Variants in DGKG observed in about 807,000 individuals in gnomAD.
The protein encoded by DGKG is diacylglycerol kinase gamma.
In DGKG, 78 loss-of-function variants were observed where a neutral mutation model predicts 105.3. The ratio of observed to expected loss-of-function variants is 0.74; its 90% CI spans 0.62 to 0.89. The LOEUF (loss-of-function observed/expected upper bound fraction) is 0.89, where lower values mean the gene tolerates loss of function less well. Among genes scored for constraint, DGKG ranks in the 40% least tolerant of loss-of-function variants. DGKG has a pLI of 0.00. For missense variants in DGKG, 958 were observed against 1,020.1 expected, an observed-to-expected ratio of 0.94 and a Z score of 0.83; for synonymous variants, 346 against 367.1, an observed-to-expected ratio of 0.94 and a Z score of 0.66.
intron 1 of DGKG, among the ~76,000 whole-genome samples, chr3:186,348,387 C>CTTTTTT (rs1726459466): frequency 9.1e-6 from 1 of 110,120 alleles, no homozygotes; most frequent in African/African-American, 4.1e-5. Flanking sequence ...TTTTTTTTTC[C>CTTTTTT]TTGTCTGAGA....
chr3:186,187,759 C>T (rs976130380), intron 22 of DGKG, among the ~76,000 whole-genome samples: 1 of 152,030 alleles, frequency 6.6e-6, no homozygotes, highest in African/African-American at 2.4e-5. Flanking sequence ...GAAATGAGAC[C>T]GAGAAGGAGT....
At chr3:186,275,990 A>G (rs1042913604) in intron 9 of DGKG, among the ~76,000 whole-genome samples, 2 of 151,124 alleles carry the variant, frequency 1.3e-5, no homozygotes, top group African/African-American at 4.9e-5. Flanking sequence ...CTATCTATCT[A>G]TCTATTATCT....
intron 3 of DGKG, among the ~76,000 whole-genome samples, chr3:186,300,891 G>GT (rs1560142604): frequency 6.6e-6 from 1 of 152,192 alleles, no homozygotes. Context: ...TTTCCAATCT[G>GT]TTTCTTCTTC....
chr3:186,339,440 C>T (rs114070651), intron 1 of DGKG, among the ~76,000 whole-genome samples: 2,515 of 152,222 alleles, frequency 0.017, 41 homozygotes, highest in Non-Finnish European at 0.027. Context: ...ATGCCTCCAC[C>T]GGAGAGAGGA....
chr3:186,216,813 C>T (rs1185191105), intron 20 of DGKG, among the ~76,000 whole-genome samples: 1 of 152,154 alleles, frequency 6.6e-6, no homozygotes, highest in Non-Finnish European at 1.5e-5. Flanking sequence ...TGTTGGAGGA[C>T]CGTTGCTGCA....
chr3:186,223,470 C>T (rs1285484078), intron 20 of DGKG, among the ~76,000 whole-genome samples: 9 of 152,066 alleles, frequency 5.9e-5, no homozygotes, highest in Non-Finnish European at 1.0e-4. Flanking sequence ...ATTAAGTCCA[C>T]GGTAAGTCGC....
chr3:186,188,442 CTG>C, intron 21 of DGKG, 63 bp from the exon 22 acceptor site: 3 of 1,526,410 alleles, frequency 2.0e-6, no homozygotes, highest in Non-Finnish European at 2.7e-6. Flanking sequence ...CCAAGGTGCT[CTG>C]TGTGTGTGCG....
chr3:186,148,593 T>C lies in DGKG; in HGVS notation c.*1497A>G. On this transcript the variant is annotated 3_prime_UTR_variant, in exon 25 of 25. Coordinates refer to ENST00000265022, the MANE Select transcript of DGKG (RefSeq NM_001346.3). Reference sequence around the variant, plus strand: ...CCCTACTCTGAGATGTGTGGGTTCTTTTCTCCATTAAATATCTTTGTAACG... The same window carrying C: ...CCCTACTCTGAGATGTGTGGGTTCTCTTCTCCATTAAATATCTTTGTAACG... The C allele has an allele frequency of 1.0e-6, 1 of 985,418 alleles. No individual in the cohort carries two copies. Among genetic ancestry groups the C allele is most frequent in the Non-Finnish European group, 1.2e-6 (1 of 829,934 alleles). 61.0% of individuals were successfully genotyped at this position (985,418 alleles called of 1,614,324 possible).
chr3:186,347,448 CAA>C (rs576239325), intron 1 of DGKG, among the ~76,000 whole-genome samples: 69 of 51,536 alleles, frequency 1.3e-3, no homozygotes, highest in African/African-American at 2.9e-3. Flanking sequence ...GACTCAGTCT[CAA>C]AAAAAAAAAA....
chr3:186,257,664 A>G lies in DGKG; in HGVS notation c.1510+190T>C, dbSNP rs1179720790. 1.8e-5 allele frequency: 10 copies of G among 540,954 alleles called. No individual in the cohort carries two copies. The East Asian group carries it at 3.2e-4, about 17-fold the overall frequency. 33.5% of individuals were successfully genotyped at this position (540,954 alleles called of 1,614,324 possible). On this transcript the variant is annotated intron_variant, in intron 17 of 24. Transcript: ENST00000265022. Reference sequence around the variant, plus strand: ...TGTTACCTCCGTATTGGAGGGAATCATTCGATTGTCTTATTTCTTTTTTTT... The same window carrying G: ...TGTTACCTCCGTATTGGAGGGAATCGTTCGATTGTCTTATTTCTTTTTTTT...
intron 17 of DGKG, among the ~76,000 whole-genome samples, chr3:186,257,581 C>T (rs1721541637): frequency 6.6e-6 from 1 of 152,166 alleles, no homozygotes; most frequent in Non-Finnish European, 1.5e-5. Context: ...CCTGTCCTGC[C>T]ACTGCCCAAA....
chr3:186,269,900 C>G (rs1433013749), intron 11 of DGKG, among the ~76,000 whole-genome samples: 1 of 152,126 alleles, frequency 6.6e-6, no homozygotes, highest in East Asian at 1.9e-4. Context: ...GAGCAGCTGG[C>G]TAGTAGCCCC....
chr3:186,354,254 G>C (rs1347760786), intron 1 of DGKG, among the ~76,000 whole-genome samples: 1 of 152,164 alleles, frequency 6.6e-6, no homozygotes, highest in Non-Finnish European at 1.5e-5. Context: ...ATGAGCCACT[G>C]TTCCCAGAGC....
At chr3:186,248,555 G>A (rs73056117) in intron 19 of DGKG, among the ~76,000 whole-genome samples, 1 of 152,170 alleles carries the variant, frequency 6.6e-6, no homozygotes, top group Non-Finnish European at 1.5e-5. Flanking sequence ...TGTTAAAAAT[G>A]CCAGTTCCCA....
chr3:186,308,824 G>A (rs1724380826), intron 2 of DGKG, among the ~76,000 whole-genome samples: 1 of 152,194 alleles, frequency 6.6e-6, no homozygotes. Context: ...TGGGAAAGAT[G>A]ATCTAAATAA....
At chr3:186,171,203 C>A (rs577585069) in intron 22 of DGKG, among the ~76,000 whole-genome samples, 1 of 152,268 alleles carries the variant, frequency 6.6e-6, no homozygotes, top group African/African-American at 2.4e-5. Context: ...GGACTGTGTT[C>A]TTGTTTTGTT....
At position 186,148,959 on chromosome 3, in the gene DGKG, TTATATA is replaced by T; in HGVS notation, c.*1125_*1130del. The T allele has an allele frequency of 4.8e-6, 3 of 625,200 alleles. No homozygotes were observed. Among genetic ancestry groups the T allele is most frequent in the Non-Finnish European group, 5.9e-6 (3 of 505,956 alleles). The allele number at this position is 625,200 out of a possible 1,614,324, so 38.7% of individuals were successfully genotyped here. A position where few individuals can be genotyped will look rare whatever the true frequency, so the allele number is the denominator to read the frequency against. On this transcript the variant is annotated 3_prime_UTR_variant, in exon 25 of 25. Coordinates refer to ENST00000265022, the MANE Select transcript of DGKG (RefSeq NM_001346.3). ...GAAAAGTCCATCAGTAAATAAATAT[TTATATA>T]TATATATATATAAATATATAGGCTA... is the stretch of plus-strand genomic sequence containing the variant.
At chr3:186,238,401 C>T (rs768730695) in intron 20 of DGKG, among the ~76,000 whole-genome samples, 7 of 151,192 alleles carry the variant, frequency 4.6e-5, no homozygotes, top group Admixed American at 1.3e-4. Context: ...ACATATTATA[C>T]GACTTCCTGT....
intron 24 of DGKG, chr3:186,160,039 G>T: frequency 2.7e-6 from 1 of 374,530 alleles, no homozygotes; most frequent in Non-Finnish European, 3.7e-6. Flanking sequence ...AGAACTGTGA[G>T]AAAATAAATT....
Sources: gnomAD v4.1 joint callset for allele counts (sites outside exome capture counted in the v4.1 genomes callset) on GRCh38, gnomAD v4.1.1 for gene constraint, MANE v1.5 for transcripts, NCBI Gene and HGNC (gene_info 2026-07-23, HGNC 2026-07-21) for gene names.